The following KIAA0753 variants were observed in gnomAD, a reference collection of about 807,000 sequenced individuals.
KIAA0753 encodes the protein protein moonraker.
Under a neutral mutation model 116.9 loss-of-function variants are expected in KIAA0753, and 114 were observed. That is an observed-to-expected ratio of 0.98 (90% CI 0.84 to 1.14). The LOEUF is 1.14. Among genes scored for constraint, KIAA0753 ranks in the 50% most tolerant of loss-of-function variants. KIAA0753 has a pLI of 0.00. For synonymous variants in KIAA0753, 405 were observed against 413.1 expected (o/e 0.98, Z 0.24); for missense variants, 1,156 against 1,172.4 (o/e 0.99, Z 0.20).
At chr17:6,625,145 C>A (rs544071581) in intron 3 of KIAA0753, among the ~76,000 whole-genome samples, 1 of 152,306 alleles carries the variant, frequency 6.6e-6, no homozygotes, top group African/African-American at 2.4e-5. Context: ...CTATGAGGCA[C>A]CTCTTACTAT....
At chr17:6,624,639 A>G (rs1259218603) in intron 4 of KIAA0753, 116 bp downstream of exon 4, 1 of 655,594 alleles carries the variant, frequency 1.5e-6, no homozygotes, top group Non-Finnish European at 2.7e-6. Flanking sequence ...CAAATCTGTC[A>G]GAACTCATAT....
intron 7 of KIAA0753, among the ~76,000 whole-genome samples, chr17:6,613,941 G>A (rs950488912): frequency 1.3e-5 from 2 of 152,128 alleles, no homozygotes; most frequent in African/African-American, 4.8e-5. Context: ...TCCAGAAGTA[G>A]ATCTCTGCAT....
intron 12 of KIAA0753, among the ~76,000 whole-genome samples, chr17:6,603,013 A>G (rs187619266): frequency 6.6e-6 from 1 of 152,362 alleles, no homozygotes; most frequent in African/African-American, 2.4e-5. Flanking sequence ...ACCACTAAGT[A>G]AGAGATATTT....
At chr17:6,583,263 G>A (rs1968323324) in intron 18 of KIAA0753, among the ~76,000 whole-genome samples, 1 of 152,096 alleles carries the variant, frequency 6.6e-6, no homozygotes, top group African/African-American at 2.4e-5. Context: ...TGTTTATCTT[G>A]ATTTTTCTTC....
chr17:6,617,617 G>T (rs1167299303), intron 7 of KIAA0753, among the ~76,000 whole-genome samples: 1 of 152,150 alleles, frequency 6.6e-6, no homozygotes, highest in East Asian at 1.9e-4. Flanking sequence ...TCCTAAGGAA[G>T]CATTTTGTTT....
rs112098346 is a variant in KIAA0753, at chr17:6,587,972, G to A, written c.2786+1807C>T. Among the ~76,000 whole-genome samples, 131 of 152,248 alleles carry A rather than the reference G, an allele frequency of 8.6e-4. 1 individual carries two copies. The highest frequency in any genetic ancestry group is 2.9e-3 in the African/African-American group (122 of 41,552). ...GTCTGTAAGTGGGGGTGGGAGGGAT[G>A]CCAGGCAAAAACAAGCTGATTTGTC... On this transcript the variant is annotated intron_variant, in intron 18 of 18. Transcript: ENST00000361413.
chr17:6,619,675 C>T (rs1971172555), intron 7 of KIAA0753, among the ~76,000 whole-genome samples: 1 of 152,170 alleles, frequency 6.6e-6, no homozygotes, highest in Admixed American at 6.5e-5. Context: ...AATACACCTG[C>T]CTTGGCCTTC....
At chr17:6,606,106 T>C (rs1359950099) in intron 12 of KIAA0753, among the ~76,000 whole-genome samples, 2 of 152,066 alleles carry the variant, frequency 1.3e-5, no homozygotes, top group African/African-American at 2.4e-5. Flanking sequence ...TTGGTGGAGA[T>C]AGTAGAGAGG....
intron 18 of KIAA0753, among the ~76,000 whole-genome samples, chr17:6,583,537 G>A (rs1437150546): frequency 4.6e-5 from 7 of 151,756 alleles, no homozygotes; most frequent in South Asian, 2.1e-4. Context: ...TTCACTTTTC[G>A]TCTTTTTTTG....
chr17:6,623,584 G>T lies in KIAA0753; in HGVS notation c.826-13C>A. On this transcript the variant is annotated splice_polypyrimidine_tract_variant and intron_variant, in intron 4 of 18. Transcript: ENST00000361413. ...GGATTTCTTTTACCTGTTTTGTAAAGGGGAAAAAAGAAAACTTCATACCTT... is the reference window on the plus strand; with the variant it reads ...GGATTTCTTTTACCTGTTTTGTAAATGGGAAAAAAGAAAACTTCATACCTT... The T allele has an allele frequency of 6.2e-7, 1 of 1,602,314 alleles. No individual in the cohort carries two copies.
chr17:6,591,052 A>AGGAAGAAGGAAGAAGGAAGAAG (rs879538350), intron 16 of KIAA0753, among the ~76,000 whole-genome samples: 2 of 54,592 alleles, frequency 3.7e-5, no homozygotes, highest in South Asian at 5.4e-4. Flanking sequence ...AAGAAGAAGA[A>AGGAAGAAGGAAGAAGGAAGAAG]GAAGAAGAAG....
intron 12 of KIAA0753, among the ~76,000 whole-genome samples, chr17:6,601,445 AAGCAAC>A (rs1209659404): frequency 6.6e-6 from 1 of 152,160 alleles, no homozygotes; most frequent in African/African-American, 2.4e-5. Context: ...AGCTCCTAGG[AAGCAAC>A]ATCCTGATCT....
intron 9 of KIAA0753, 36 bp from the exon 10 acceptor site, chr17:6,608,500 T>C: frequency 1.7e-6 from 2 of 1,202,304 alleles, no homozygotes; most frequent in Admixed American, 2.3e-5. Context: ...TTGTCATCAT[T>C]CACTCCGTAT....
intron 13 of KIAA0753, 81 bp from the exon 14 acceptor site, chr17:6,599,401 G>T: frequency 1.1e-6 from 1 of 942,134 alleles, no homozygotes; most frequent in South Asian, 1.4e-5. Context: ...TTACCAGAAT[G>T]ACTTGTGTGG....
intron 16 of KIAA0753, among the ~76,000 whole-genome samples, chr17:6,593,717 TCTA>T (rs1969257077): frequency 6.6e-6 from 1 of 152,178 alleles, no homozygotes; most frequent in Non-Finnish European, 1.5e-5. Context: ...AAACCCTGTC[TCTA>T]CTACAATTAA....
intron 18 of KIAA0753, among the ~76,000 whole-genome samples, chr17:6,580,899 T>TACACACAC (rs33914667): frequency 0.087 from 12,519 of 143,880 alleles, 566 homozygotes; most frequent in African/African-American, 0.12. Context: ...TGCTCCTCTG[T>TACACACAC]ACACACACAC....
At chr17:6,619,009 A>G (rs1360979470) in intron 7 of KIAA0753, among the ~76,000 whole-genome samples, 1 of 152,156 alleles carries the variant, frequency 6.6e-6, no homozygotes, top group Non-Finnish European at 1.5e-5. Flanking sequence ...CAGGTGGATC[A>G]CTTGAGGTCA....
At chr17:6,593,077 A>G (rs1969190544) in intron 16 of KIAA0753, among the ~76,000 whole-genome samples, 1 of 152,224 alleles carries the variant, frequency 6.6e-6, no homozygotes, top group South Asian at 2.1e-4. Context: ...CCTTAAAATT[A>G]TTTTAGAAAA....
chr17:6,614,909 C>G (rs1437417685), intron 7 of KIAA0753, among the ~76,000 whole-genome samples: 3 of 152,308 alleles, frequency 2.0e-5, no homozygotes, highest in Admixed American at 1.3e-4. Flanking sequence ...AGAGATTCTC[C>G]TGCCTCAGCC....
Sources: gnomAD v4.1 joint callset for allele counts (sites outside exome capture counted in the v4.1 genomes callset) on GRCh38, gnomAD v4.1.1 for gene constraint, MANE v1.5 for transcripts, NCBI Gene and HGNC (gene_info 2026-07-23, HGNC 2026-07-21) for gene names.